Variants in PBRM1 observed in about 807,000 individuals in gnomAD.
PBRM1 encodes the protein protein polybromo-1.
Under a neutral mutation model 194.5 loss-of-function variants are expected in PBRM1, and 27 were observed. The ratio of observed to expected loss-of-function variants is 0.14; its 90% CI spans 0.10 to 0.19. PBRM1 has a LOEUF of 0.19. Ranked by LOEUF, PBRM1 falls within the 10% of genes least tolerant of loss-of-function variation. The probability of loss-of-function intolerance (pLI) is 1.00; values close to 1 mark genes in which losing one functional copy is unlikely to be tolerated. For missense variants in PBRM1, 1,466 were observed against 2,077.2 expected, an observed-to-expected ratio of 0.71 and a Z score of 5.72; for synonymous variants, 655 against 693.2, an observed-to-expected ratio of 0.94 and a Z score of 0.87.
chr3:52,577,256 C>T (rs2089907787), intron 21 of PBRM1, among the ~76,000 whole-genome samples: 2 of 151,914 alleles, frequency 1.3e-5, no homozygotes, highest in South Asian at 2.1e-4. Flanking sequence ...CATGGTGAAA[C>T]CCCATCTCCA....
Position 52,575,391 on chromosome 3 carries a change from G to T in PBRM1, c.3691+1150C>A, listed in dbSNP as rs2153644693. ...GCACTTTTCAACAAAAAATTATCAG[G>T]CATGCAAAGAAACAAGAAGGCACAG... is the stretch of plus-strand genomic sequence containing the variant. On this transcript the variant is annotated intron_variant, in intron 22 of 29. Transcript: ENST00000296302. Among the ~76,000 whole-genome samples the T allele has an allele frequency of 2.0e-5, 3 of 151,896 alleles. No individual in the cohort carries two copies. The South Asian group carries it at 6.3e-4, about 32-fold the overall frequency.
intron 13 of PBRM1, among the ~76,000 whole-genome samples, chr3:52,625,587 T>C (rs1046497590): frequency 6.6e-6 from 1 of 151,902 alleles, no homozygotes; most frequent in Non-Finnish European, 1.5e-5. Context: ...TTTTTTTTTT[T>C]TTTTGAGACA....
intron 17 of PBRM1, among the ~76,000 whole-genome samples, chr3:52,595,391 T>C (rs1190066850): frequency 6.6e-6 from 1 of 152,160 alleles, no homozygotes; most frequent in African/African-American, 2.4e-5. Context: ...CCATTTTAAC[T>C]GGAGTGATAT....
chr3:52,620,377 A>G (rs2095218786), intron 13 of PBRM1, among the ~76,000 whole-genome samples: 1 of 152,204 alleles, frequency 6.6e-6, no homozygotes, highest in South Asian at 2.1e-4. Flanking sequence ...TCTCTCCAAT[A>G]AACAGGACAG....
Position 52,634,868 on chromosome 3 carries a change from C to T in PBRM1, c.1088-53G>A, listed in dbSNP as rs1200658247. 5.6e-6 allele frequency: 7 copies of T among 1,242,854 alleles called. No individual in the cohort carries two copies. In the African/African-American group the frequency reaches 9.0e-5, roughly 16 times the overall value. 77.0% of individuals were successfully genotyped at this position (1,242,854 alleles called of 1,614,324 possible). A position where few individuals can be genotyped will look rare whatever the true frequency, so the allele number is the denominator to read the frequency against. ...AGGGACGAATGAGATGAAGAAAGAA[C>T]CATACTTTAAAGTTCATTTAACAAC... On this transcript the variant is annotated intron_variant, in intron 10 of 29. Coordinates refer to ENST00000296302, the Ensembl canonical transcript of PBRM1.
At chr3:52,648,389 T>C (rs372604464) in exon 7 of PBRM1, 56 of 1,610,916 alleles carry the variant, frequency 3.5e-5, no homozygotes, top group Non-Finnish European at 4.6e-5. Flanking sequence ...TGGCATTTTT[T>C]GCGAGGAGAT....
intron 22 of PBRM1, among the ~76,000 whole-genome samples, chr3:52,570,869 G>A (rs1291115179): frequency 6.7e-6 from 1 of 149,426 alleles, no homozygotes. Flanking sequence ...GCGTGTGCAG[G>A]TGCCCTACAC....
intron 22 of PBRM1, among the ~76,000 whole-genome samples, chr3:52,565,944 T>A (rs956547912): frequency 2.0e-5 from 3 of 151,410 alleles, no homozygotes; most frequent in Non-Finnish European, 2.9e-5. Context: ...CAGCTAGTCA[T>A]GAGGCTGAGG....
chr3:52,637,839 C>T (rs79957220), intron 10 of PBRM1, among the ~76,000 whole-genome samples: 2,095 of 147,332 alleles, frequency 0.014, 18 homozygotes, highest in South Asian at 0.035. Context: ...CCTAGCTACC[C>T]GGAGGCTGAG....
chr3:52,595,043 A>C (rs150367278), intron 17 of PBRM1, among the ~76,000 whole-genome samples: 13 of 151,986 alleles, frequency 8.6e-5, no homozygotes, highest in Non-Finnish European at 4.4e-5. Flanking sequence ...TGATCTTGTG[A>C]AGTATTTTGT....
At chr3:52,663,677 A>G (rs1050022929) in intron 3 of PBRM1, among the ~76,000 whole-genome samples, 11 of 152,242 alleles carry the variant, frequency 7.2e-5, no homozygotes, top group African/African-American at 2.7e-4. Flanking sequence ...GACAACAAAT[A>G]TATGTATTAG....
At chr3:52,640,002 C>T (rs970136672) in intron 10 of PBRM1, among the ~76,000 whole-genome samples, 5 of 152,164 alleles carry the variant, frequency 3.3e-5, no homozygotes, top group African/African-American at 1.2e-4. Flanking sequence ...AGAGGGCTTC[C>T]AGACTAAGGG....
chr3:52,623,970 T>C (rs1459659948), intron 13 of PBRM1, among the ~76,000 whole-genome samples: 1 of 152,170 alleles, frequency 6.6e-6, no homozygotes, highest in Non-Finnish European at 1.5e-5. Flanking sequence ...TTTAGGAAAA[T>C]ATTAGGAAGA....
At chr3:52,603,679 T>C in exon 17 of PBRM1, 1 of 1,612,632 alleles carries the variant, frequency 6.2e-7, no homozygotes, top group Non-Finnish European at 8.5e-7. Flanking sequence ...ATCACGAATT[T>C]TAATAAAAAA....
downstream of PBRM1, chr3:52,547,804 C>A: frequency 2.7e-6 from 1 of 364,402 alleles, no homozygotes; most frequent in Non-Finnish European, 4.9e-6. Context: ...TCTACATATA[C>A]AACCAATTAT....
At chr3:52,553,744 C>G (rs1361634639) in intron 27 of PBRM1, among the ~76,000 whole-genome samples, 1 of 151,442 alleles carries the variant, frequency 6.6e-6, no homozygotes, top group Non-Finnish European at 1.5e-5. Context: ...TCACTGCAAC[C>G]TCTGCCTCCC....
At chr3:52,643,334 G>C (rs1193024983) in exon 9 of PBRM1, 2 of 1,611,362 alleles carry the variant, frequency 1.2e-6, no homozygotes, top group Non-Finnish European at 1.7e-6. Context: ...CAGCCAAGTT[G>C]GATGGAGTCC....
chr3:52,610,082 T>C, intron 15 of PBRM1, 127 bp from the exon 18 acceptor site: 1 of 565,730 alleles, frequency 1.8e-6, no homozygotes, highest in Non-Finnish European at 2.9e-6. Context: ...ATGTCTATAG[T>C]GAAATATAAC....
intron 4 of PBRM1, among the ~76,000 whole-genome samples, chr3:52,660,482 G>GTA (rs1163462914): frequency 1.4e-4 from 21 of 151,850 alleles, no homozygotes; most frequent in Non-Finnish European, 1.5e-5. Context: ...GTATATGTGT[G>GTA]TATATATATT....
Sources: allele counts gnomAD v4.1 joint callset (sites outside exome capture counted in the v4.1 genomes callset), GRCh38; gene constraint gnomAD v4.1.1; transcripts MANE v1.5; gene names NCBI Gene and HGNC (gene_info 2026-07-23, HGNC 2026-07-21).